The following ZNF385B variants were observed in gnomAD, a reference collection of about 807,000 sequenced individuals.
The protein encoded by ZNF385B is zinc finger protein 533.
In ZNF385B, 23 loss-of-function variants were observed where a neutral mutation model predicts 39.2. The observed-to-expected ratio is 0.59, with a 90% CI of 0.42 to 0.83. ZNF385B has a LOEUF of 0.83. Ranked by LOEUF, ZNF385B falls within the 40% of genes least tolerant of loss-of-function variation. The pLI, the probability that ZNF385B is intolerant of heterozygous loss-of-function variation, is 0.00. For synonymous variants in ZNF385B, 205 were observed against 222.6 expected (o/e 0.92, Z 0.70); for missense variants, 552 against 598.9 (o/e 0.92, Z 0.82).
chr2:179,846,108 A>G (rs553548414), intron 1 of ZNF385B, among the ~76,000 whole-genome samples: 3 of 152,336 alleles, frequency 2.0e-5, no homozygotes, highest in East Asian at 3.9e-4. Context: ...CTATCAAAAT[A>G]GTAATTACAG....
chr2:179,694,070 A>G (rs1314079038), intron 3 of ZNF385B, among the ~76,000 whole-genome samples: 2 of 152,224 alleles, frequency 1.3e-5, no homozygotes, highest in Admixed American at 6.5e-5. Flanking sequence ...TATCTGTTTT[A>G]AACTATATGT....
chr2:179,698,509 T>G (rs1043864728), intron 3 of ZNF385B, among the ~76,000 whole-genome samples: 4 of 152,312 alleles, frequency 2.6e-5, no homozygotes, highest in Non-Finnish European at 5.9e-5. Context: ...TTTATTCAAA[T>G]CAAATATCCA....
At chr2:179,535,696 A>G (rs542913217) in intron 4 of ZNF385B, among the ~76,000 whole-genome samples, 11 of 152,368 alleles carry the variant, frequency 7.2e-5, no homozygotes, top group African/African-American at 2.4e-4. Context: ...AATTTCAAGT[A>G]TCAGAACATA....
At chr2:179,853,000 C>T (rs1006042328) in intron 1 of ZNF385B, among the ~76,000 whole-genome samples, 1 of 152,132 alleles carries the variant, frequency 6.6e-6, no homozygotes, top group African/African-American at 2.4e-5. Flanking sequence ...TATTTTACTC[C>T]TATGAAAGTT....
At position 179,742,047 on chromosome 2, in the gene ZNF385B, G is replaced by T. The variant is rs117464861; in HGVS notation, c.298+27456C>A. The stretch of plus-strand genomic sequence containing the variant: ...GGAAAATCCCGAAAATATTCTAGTT[G>T]ACAAGGGATGACAATTAGAAATTAA... On this transcript the variant is annotated intron_variant, in intron 3 of 9. Transcript: ENST00000410066. Among the ~76,000 whole-genome samples, 5 of 152,122 alleles carry T rather than the reference G, an allele frequency of 3.3e-5. No homozygotes were observed. In the East Asian group the frequency reaches 7.7e-4, roughly 23 times the overall value.
chr2:179,650,455 A>G (rs1269268935), intron 3 of ZNF385B, among the ~76,000 whole-genome samples: 2 of 152,378 alleles, frequency 1.3e-5, no homozygotes, highest in Non-Finnish European at 2.9e-5. Flanking sequence ...AGAAAGTGAC[A>G]TACATTATTC....
intron 3 of ZNF385B, among the ~76,000 whole-genome samples, chr2:179,635,300 C>T (rs951189501): frequency 6.8e-5 from 10 of 147,984 alleles, no homozygotes; most frequent in East Asian, 4.0e-4. Flanking sequence ...AGCCAAACAC[C>T]GCATGTTCTC....
intron 5 of ZNF385B, among the ~76,000 whole-genome samples, chr2:179,501,442 C>T (rs1196140441): frequency 1.3e-5 from 2 of 152,114 alleles, no homozygotes; most frequent in Non-Finnish European, 2.9e-5. Flanking sequence ...TTTGCAACAA[C>T]ATGGATGGAT....
chr2:179,798,451 C>A (rs1705818311), intron 1 of ZNF385B, among the ~76,000 whole-genome samples: 1 of 152,086 alleles, frequency 6.6e-6, no homozygotes, highest in African/African-American at 2.4e-5. Flanking sequence ...ATCACAAGTT[C>A]ATACTGATAC....
intron 3 of ZNF385B, among the ~76,000 whole-genome samples, chr2:179,731,456 T>C (rs1327401126): frequency 1.3e-5 from 2 of 152,350 alleles, no homozygotes; most frequent in East Asian, 3.9e-4. Context: ...ATCAATTCAT[T>C]TGTGGTGCTT....
chr2:179,599,841 A>AGT (rs1688274686), intron 3 of ZNF385B, among the ~76,000 whole-genome samples: 1 of 152,172 alleles, frequency 6.6e-6, no homozygotes, highest in African/African-American at 2.4e-5. Context: ...AGAATATGGA[A>AGT]GTATATATCA....
chr2:179,792,972 C>T (rs1705437753), intron 1 of ZNF385B, among the ~76,000 whole-genome samples: 2 of 152,162 alleles, frequency 1.3e-5, no homozygotes, highest in African/African-American at 4.8e-5. Flanking sequence ...CCAGTGTCTT[C>T]ATTTTAAGTG....
chr2:179,734,700 C>T (rs1427546164), intron 3 of ZNF385B, among the ~76,000 whole-genome samples: 1 of 152,084 alleles, frequency 6.6e-6, no homozygotes, highest in African/African-American at 2.4e-5. Flanking sequence ...CCTCAAAGTA[C>T]TCATATACTA....
chr2:179,639,226 C>CAA (rs59905278), intron 3 of ZNF385B, among the ~76,000 whole-genome samples: 1 of 93,028 alleles, frequency 1.1e-5, no homozygotes, highest in African/African-American at 4.2e-5. Context: ...GATCCTGCCT[C>CAA]AAAAAAAAAA....
At chr2:179,781,903 C>A (rs1489070811) in intron 1 of ZNF385B, among the ~76,000 whole-genome samples, 1 of 152,096 alleles carries the variant, frequency 6.6e-6, no homozygotes, top group African/African-American at 2.4e-5. Context: ...ACCAGATATA[C>A]AAAGAAGAGC....
chr2:179,677,921 C>T (rs1697067543), intron 3 of ZNF385B, among the ~76,000 whole-genome samples: 2 of 152,140 alleles, frequency 1.3e-5, no homozygotes, highest in South Asian at 4.1e-4. Flanking sequence ...TTCCAATTTG[C>T]ATTGTGTAAT....
At chr2:179,826,455 A>C (rs1329914776) in intron 1 of ZNF385B, among the ~76,000 whole-genome samples, 6 of 152,156 alleles carry the variant, frequency 3.9e-5, no homozygotes, top group Non-Finnish European at 8.8e-5. Context: ...TTCCTTTTAG[A>C]ATACTCAGAC....
At chr2:179,721,107 A>T (rs745811768) in intron 3 of ZNF385B, among the ~76,000 whole-genome samples, 4 of 152,024 alleles carry the variant, frequency 2.6e-5, no homozygotes, top group Non-Finnish European at 5.9e-5. Context: ...ATAGACTTTA[A>T]GGCCAAGGAA....
At chr2:179,643,821 T>C (rs1291299918) in intron 3 of ZNF385B, among the ~76,000 whole-genome samples, 3 of 152,104 alleles carry the variant, frequency 2.0e-5, no homozygotes, top group African/African-American at 4.8e-5. Context: ...TCTCTCTATA[T>C]ATATGTATCA....
Sources: gnomAD v4.1 joint callset for allele counts (sites outside exome capture counted in the v4.1 genomes callset) on GRCh38, gnomAD v4.1.1 for gene constraint, MANE v1.5 for transcripts, NCBI Gene and HGNC (gene_info 2026-07-23, HGNC 2026-07-21) for gene names.